The following L3MBTL4 variants were observed in gnomAD, a reference collection of about 807,000 sequenced individuals.
L3MBTL4 encodes the protein lethal(3)malignant brain tumor-like protein 4.
In L3MBTL4, 70 loss-of-function variants were observed where a neutral mutation model predicts 84.5. The observed-to-expected ratio is 0.83, with a 90% CI of 0.68 to 1.01. The LOEUF is 1.01. Among genes scored for constraint, L3MBTL4 ranks in the 50% least tolerant of loss-of-function variants. L3MBTL4 has a pLI of 0.00. For synonymous variants in L3MBTL4, 274 were observed against 259.8 expected, an observed-to-expected ratio of 1.05 and a Z score of -0.52; for missense variants, 715 against 754.8, an observed-to-expected ratio of 0.95 and a Z score of 0.62.
intron 13 of L3MBTL4, among the ~76,000 whole-genome samples, chr18:6,138,747 T>G (rs2060109463): frequency 6.6e-6 from 1 of 152,126 alleles, no homozygotes; most frequent in Non-Finnish European, 1.5e-5. Context: ...AGACAGGGTT[T>G]CACCACGTTG....
intron 10 of L3MBTL4, among the ~76,000 whole-genome samples, chr18:6,224,952 T>G (rs2046715230): frequency 6.9e-6 from 1 of 145,212 alleles, no homozygotes; most frequent in Non-Finnish European, 1.5e-5. Flanking sequence ...AAGGAAAACA[T>G]AAAGTGAGGA....
intron 11 of L3MBTL4, among the ~76,000 whole-genome samples, chr18:6,214,772 G>A (rs888877689): frequency 2.6e-5 from 4 of 152,140 alleles, no homozygotes; most frequent in African/African-American, 9.7e-5. Context: ...ACACGCCTAA[G>A]GTACATCCCT....
intron 1 of L3MBTL4, among the ~76,000 whole-genome samples, chr18:6,361,023 A>G (rs79385819): frequency 6.7e-6 from 1 of 149,338 alleles, no homozygotes; most frequent in Non-Finnish European, 1.5e-5. Context: ...ACCTGATTAA[A>G]AAAAAAAAAA....
intron 9 of L3MBTL4, 96 bp downstream of exon 9, chr18:6,239,622 T>C: frequency 8.2e-7 from 1 of 1,219,090 alleles, no homozygotes; most frequent in Non-Finnish European, 1.2e-6. Flanking sequence ...TCATCACTAT[T>C]AGAAGAGCAA....
chr18:6,037,406 G>A (rs2056191511), intron 16 of L3MBTL4, among the ~76,000 whole-genome samples: 1 of 152,192 alleles, frequency 6.6e-6, no homozygotes, highest in Admixed American at 6.5e-5. Context: ...CAAAACAATT[G>A]CATCAGACAG....
At chr18:6,081,480 G>T (rs1302452816) in intron 15 of L3MBTL4, among the ~76,000 whole-genome samples, 2 of 152,120 alleles carry the variant, frequency 1.3e-5, no homozygotes, top group African/African-American at 4.8e-5. Context: ...AAAACTTGAG[G>T]CTCATACTTT....
intron 17 of L3MBTL4, among the ~76,000 whole-genome samples, chr18:5,967,089 A>C (rs2052388662): frequency 6.6e-6 from 1 of 152,212 alleles, no homozygotes; most frequent in Non-Finnish European, 1.5e-5. Flanking sequence ...CCATCTTCAC[A>C]AAGTGACTTT....
At chr18:6,233,740 C>T (rs1270427631) in intron 10 of L3MBTL4, among the ~76,000 whole-genome samples, 3 of 152,072 alleles carry the variant, frequency 2.0e-5, no homozygotes, top group African/African-American at 4.8e-5. Context: ...GGCCATACTG[C>T]CCCAGGTAAT....
intron 10 of L3MBTL4, among the ~76,000 whole-genome samples, chr18:6,222,419 T>G (rs1237160407): frequency 6.6e-6 from 1 of 152,198 alleles, no homozygotes; most frequent in African/African-American, 2.4e-5. Context: ...CTCTTTTGTG[T>G]CTGGCGAGAT....
Position 6,286,283 on chromosome 18 carries a change from G to A in L3MBTL4, c.127+15620C>T, listed in dbSNP as rs1245209182. On this transcript the variant is annotated intron_variant, in intron 4 of 18. Transcript: ENST00000317931. ...GTTTGAGATCAGCACTGCCAATATG[G>A]TGAAACCCCATCTCTACTAAAAATA... Among the ~76,000 whole-genome samples, 4 of 151,840 alleles carry A rather than the reference G, an allele frequency of 2.6e-5. No individual in the cohort carries two copies. The South Asian group carries it at 6.2e-4, about 24-fold the overall frequency.
chr18:6,064,546 T>C (rs2145915814), intron 16 of L3MBTL4, among the ~76,000 whole-genome samples: 1 of 152,178 alleles, frequency 6.6e-6, no homozygotes, highest in East Asian at 1.9e-4. Flanking sequence ...AGCAGTGCTT[T>C]GTCATTTTCC....
At chr18:6,378,615 G>C (rs898803715) in intron 1 of L3MBTL4, among the ~76,000 whole-genome samples, 1 of 152,204 alleles carries the variant, frequency 6.6e-6, no homozygotes, top group African/African-American at 2.4e-5. Context: ...GTTTGTCAAA[G>C]ATCAGATGGT....
intron 1 of L3MBTL4, among the ~76,000 whole-genome samples, chr18:6,393,572 C>T (rs1376444587): frequency 1.3e-5 from 2 of 152,186 alleles, no homozygotes; most frequent in African/African-American, 2.4e-5. Context: ...CCATCTCAGG[C>T]GGCAACACTC....
chr18:6,083,269 T>C (rs72874033), intron 15 of L3MBTL4, among the ~76,000 whole-genome samples: 7,003 of 152,214 alleles, frequency 0.046, 204 homozygotes, highest in South Asian at 0.1. Context: ...AGAATGGAGA[T>C]GGGTTTCCAA....
chr18:6,013,399 G>A (rs2054823201), intron 16 of L3MBTL4, among the ~76,000 whole-genome samples: 2 of 152,174 alleles, frequency 1.3e-5, no homozygotes, highest in South Asian at 2.1e-4. Flanking sequence ...GACTCAGAAC[G>A]CAATGTGTAA....
At chr18:6,352,644 C>A in intron 1 of L3MBTL4, among the ~76,000 whole-genome samples, 1 of 152,208 alleles carries the variant, frequency 6.6e-6, no homozygotes, top group East Asian at 1.9e-4. Context: ...GAAAATCTTG[C>A]AACCACACTA....
rs142594808 is a variant in L3MBTL4, at chr18:6,410,646, A to G, written c.-91+4155T>C. On this transcript the variant is annotated intron_variant, in intron 1 of 18. Transcript: ENST00000317931. ...TACTCTCTATCTGTCCCTCTAGTTA[A>G]ACACATTCTCTCTGGCTAGTTACAG... Among the ~76,000 whole-genome samples, 41 of 152,338 alleles carry G rather than the reference A, an allele frequency of 2.7e-4. No homozygotes were observed. The East Asian group carries it at 7.7e-3, about 29-fold the overall frequency.
At chr18:6,340,583 G>C (rs753230327) in intron 1 of L3MBTL4, among the ~76,000 whole-genome samples, 2 of 152,098 alleles carry the variant, frequency 1.3e-5, no homozygotes, top group Non-Finnish European at 2.9e-5. Flanking sequence ...CATGGCAAAG[G>C]GGCAGGGGCT....
intron 16 of L3MBTL4, among the ~76,000 whole-genome samples, chr18:5,977,586 C>T (rs572127214): frequency 2.0e-5 from 3 of 152,342 alleles, no homozygotes; most frequent in South Asian, 2.1e-4. Context: ...AGATAAGACA[C>T]GTCCTAGAGC....
Sources: allele counts gnomAD v4.1 joint callset (sites outside exome capture counted in the v4.1 genomes callset), GRCh38; gene constraint gnomAD v4.1.1; transcripts MANE v1.5; gene names NCBI Gene and HGNC (gene_info 2026-07-23, HGNC 2026-07-21).